Variants in MROH1 observed in about 807,000 individuals in gnomAD.
MROH1 encodes maestro heat like repeat family member 1.
In MROH1, 117 loss-of-function variants were observed where a neutral mutation model predicts 116.5. The ratio of observed to expected loss-of-function variants is 1.00; its 90% CI spans 0.86 to 1.17. The LOEUF is 1.17. MROH1 is among the 50% of genes most tolerant of loss of function. The pLI, the probability that MROH1 is intolerant of heterozygous loss-of-function variation, is 0.00. For synonymous variants in MROH1, 921 were observed against 583.9 expected, an observed-to-expected ratio of 1.58 and a Z score of -8.32; for missense variants, 1,873 against 1,338.5, an observed-to-expected ratio of 1.40 and a Z score of -6.23.
chr8:144,243,983 G>GTGT, intron 26 of MROH1, 41 bp downstream of exon 26: 1 of 770,440 alleles, frequency 1.3e-6, no homozygotes, highest in Non-Finnish European at 2.4e-6. Flanking sequence ...GCAGCTGCGT[G>GTGT]TGTGCGTGCA....
chr8:144,150,889 T>A (rs1254727212), intron 1 of MROH1, among the ~76,000 whole-genome samples: 1 of 152,164 alleles, frequency 6.6e-6, no homozygotes, highest in Non-Finnish European at 1.5e-5. Context: ...CCTGCCTTCC[T>A]GCCCAAATGT....
At chr8:144,165,183 T>G (rs1820501333) in intron 3 of MROH1, among the ~76,000 whole-genome samples, 1 of 150,474 alleles carries the variant, frequency 6.6e-6, no homozygotes, top group African/African-American at 2.4e-5. Flanking sequence ...GTGCAGTGGA[T>G]CTCAGCTCAC....
chr8:144,195,182 G>A (rs1484625273), intron 10 of MROH1, among the ~76,000 whole-genome samples: 4 of 17,194 alleles, frequency 2.3e-4, no homozygotes, highest in Non-Finnish European at 2.8e-4. Flanking sequence ...GTGACAGTGC[G>A]AGACTGTGTC....
chr8:144,209,024 A>G (rs1833480682), intron 12 of MROH1, among the ~76,000 whole-genome samples: 1 of 128,294 alleles, frequency 7.8e-6, no homozygotes. Flanking sequence ...GCACTCGGCC[A>G]TTTTGTGTGT....
chr8:144,179,077 T>C (rs1824858682), intron 4 of MROH1, among the ~76,000 whole-genome samples: 1 of 151,948 alleles, frequency 6.6e-6, no homozygotes, highest in African/African-American at 2.4e-5. Flanking sequence ...ACTGAGGCCA[T>C]GACCACTGAG....
chr8:144,193,599 TTTATTTATTTA>T (rs1445334355), intron 10 of MROH1, among the ~76,000 whole-genome samples: 8 of 152,116 alleles, frequency 5.3e-5, no homozygotes, highest in Non-Finnish European at 1.2e-4. Flanking sequence ...TATTTATTCA[TTTATTTATTTA>T]TTATTTATTT....
intron 1 of MROH1, among the ~76,000 whole-genome samples, chr8:144,160,371 CT>C (rs1175969193): frequency 6.6e-6 from 1 of 152,206 alleles, no homozygotes; most frequent in Non-Finnish European, 1.5e-5. Context: ...ATTCCTGGAC[CT>C]GTGGAAGCCC....
intron 35 of MROH1, 106 bp downstream of exon 35, chr8:144,255,811 T>C (rs901268492): frequency 1.1e-5 from 7 of 651,446 alleles, no homozygotes; most frequent in East Asian, 2.7e-5. Flanking sequence ...ACGGGGAGTG[T>C]GGGAGTGACT....
chr8:144,185,289 G>A (rs1321703167), intron 7 of MROH1, among the ~76,000 whole-genome samples: 3 of 152,114 alleles, frequency 2.0e-5, no homozygotes, highest in Admixed American at 1.3e-4. Context: ...GCCGTTGCAA[G>A]TTTTGTCGTT....
At chr8:144,240,862 C>A (rs1333178897) in intron 20 of MROH1, 130 bp from the exon 21 acceptor site, 5 of 692,332 alleles carry the variant, frequency 7.2e-6, no homozygotes, top group African/African-American at 7.0e-5. Flanking sequence ...TCAGATGTTG[C>A]CCCAGACTCA....
At position 144,254,833 on chromosome 8, in the gene MROH1, G is replaced by A. The variant is rs1260355188; in HGVS notation, c.3449G>A (p.Arg1150Gln). The A allele has an allele frequency of 2.8e-5, 22 of 776,658 alleles. No homozygotes were observed. The highest frequency in any genetic ancestry group is 5.4e-5 in the South Asian group (4 of 74,494). 48.1% of individuals were successfully genotyped at this position (776,658 alleles called of 1,614,324 possible). A position where few individuals can be genotyped will look rare whatever the true frequency, so the allele number is the denominator to read the frequency against. Residue 1150 changes from arginine to glutamine, a missense_variant, in exon 34 of 44, where the codon CGG (arginine) becomes CAG (glutamine). Arg to Gln is a conservative substitution (Grantham distance 43, BLOSUM62 1). Transcript: ENST00000326134. ...TCCAGCCACACCTGCATGCTGTGGC[G>A]GGCGCTGGCGGTGGAGCCTCGCCTA... ...PLDSHTCMLW[R>Q]ALAVEPRLAA...
intron 7 of MROH1, among the ~76,000 whole-genome samples, chr8:144,186,348 C>T (rs1827164657): frequency 6.6e-6 from 1 of 152,048 alleles, no homozygotes; most frequent in Non-Finnish European, 1.5e-5. Context: ...TCTCGAACTC[C>T]TGACCTCAGG....
At chr8:144,223,365 C>A in intron 14 of MROH1, 135 bp downstream of exon 14, 1 of 1,184,028 alleles carries the variant, frequency 8.4e-7, no homozygotes, top group South Asian at 1.5e-5. Flanking sequence ...GTGCCCTCTG[C>A]TGTCTTTTGT....
intron 8 of MROH1, 106 bp downstream of exon 8, chr8:144,191,041 A>C (rs10108542): frequency 7.6e-7 from 1 of 1,311,252 alleles, no homozygotes; most frequent in Non-Finnish European, 1.0e-6. Context: ...TTGCATTGGC[A>C]AGCAGAGGTG....
intron 12 of MROH1, among the ~76,000 whole-genome samples, chr8:144,215,518 C>G (rs772611399): frequency 6.6e-6 from 1 of 152,202 alleles, no homozygotes; most frequent in African/African-American, 2.4e-5. Flanking sequence ...GAATGCCCCT[C>G]CTCCCTAGAG....
chr8:144,202,948 G>T (rs1831754746), intron 12 of MROH1, among the ~76,000 whole-genome samples: 1 of 81,494 alleles, frequency 1.2e-5, no homozygotes, highest in Non-Finnish European at 2.4e-5. Context: ...TCTCTGTAGA[G>T]GGGCGGGGAG....
intron 34 of MROH1, 137 bp downstream of exon 34, chr8:144,255,115 T>C (rs1843473048): frequency 1.6e-6 from 1 of 608,702 alleles, no homozygotes; most frequent in Non-Finnish European, 2.9e-6. Context: ...CTGGGAGCTC[T>C]GAGCTCAGGC....
intron 4 of MROH1, among the ~76,000 whole-genome samples, chr8:144,172,822 T>A (rs369209937): frequency 6.6e-6 from 1 of 152,128 alleles, no homozygotes; most frequent in Non-Finnish European, 1.5e-5. Context: ...ACACCTTCCA[T>A]GTATTGATTT....
intron 4 of MROH1, among the ~76,000 whole-genome samples, chr8:144,176,420 C>A (rs1032430063): frequency 6.6e-6 from 1 of 151,112 alleles, no homozygotes; most frequent in Non-Finnish European, 1.5e-5. Context: ...CCTGTAGTCC[C>A]AGCTACTTGA....
Sources: gnomAD v4.1 joint callset for allele counts (sites outside exome capture counted in the v4.1 genomes callset) on GRCh38, gnomAD v4.1.1 for gene constraint, MANE v1.5 for transcripts, NCBI Gene and HGNC (gene_info 2026-07-23, HGNC 2026-07-21) for gene names.